Variants in CHST15 observed in about 807,000 individuals in gnomAD.
The protein encoded by CHST15 is B cell RAG associated protein (GALNAC4S-6ST).
CHST15 carries 30 observed loss-of-function variants against 53.6 expected under a neutral mutation model. The observed-to-expected ratio is 0.56, with a 90% confidence interval of 0.42 to 0.76. The LOEUF is 0.76. Among genes scored for constraint, CHST15 ranks in the 30% least tolerant of loss-of-function variants. The pLI is 0.00. For synonymous variants in CHST15, 296 were observed against 289.8 expected, an observed-to-expected ratio of 1.02 and a Z score of -0.22; for missense variants, 627 against 740.5, an observed-to-expected ratio of 0.85 and a Z score of 1.78.
At chr10:124,052,802 G>A (rs1019439781) in intron 1 of CHST15, among the ~76,000 whole-genome samples, 1 of 152,202 alleles carries the variant, frequency 6.6e-6, no homozygotes, top group African/African-American at 2.4e-5. Context: ...TTGGGAGTCT[G>A]AGGCGGGCAA....
chr10:124,083,586 A>G (rs1949320784), intron 1 of CHST15, among the ~76,000 whole-genome samples: 1 of 152,090 alleles, frequency 6.6e-6, no homozygotes. Context: ...ATCTCCTCAT[A>G]TCTAATTTCT....
In CHST15 at chr10:124,010,317, C is replaced by G; in HGVS notation, c.1518G>C (p.Glu506Asp). The change falls in exon 8 of 8, where the codon GAG becomes GAC. Residue 506 changes from glutamate to aspartate, a missense_variant. Transcript: ENST00000435907. ...ATGCGGGGCTCTTGGTCATCAAAGCCTCCTGCTTCTCACTTAAGGGCCCTA... is the reference window on the plus strand; with the variant it reads ...ATGCGGGGCTCTTGGTCATCAAAGCGTCCTGCTTCTCACTTAAGGGCCCTA... ...LNLGPLSEKQ[E>D]ALMTKSPASN... is the part of the protein sequence containing the mutation. 1.2e-6 allele frequency: 2 copies of G among 1,606,052 alleles called. No homozygotes were observed. Among genetic ancestry groups the G allele is most frequent in the Non-Finnish European group, 1.7e-6 (2 of 1,175,230 alleles).
intron 1 of CHST15, among the ~76,000 whole-genome samples, chr10:124,079,577 G>A (rs1278911856): frequency 6.6e-6 from 1 of 152,216 alleles, no homozygotes; most frequent in Non-Finnish European, 1.5e-5. Flanking sequence ...GACCTGGGAT[G>A]GAGAGGCAGC....
chr10:124,042,451 T>G lies in CHST15; in HGVS notation c.887-4A>C, dbSNP rs376627661. 2 of 1,613,538 alleles carry G rather than the reference T, an allele frequency of 1.2e-6. No individual in the cohort carries two copies. Among genetic ancestry groups the G allele is most frequent in the African/African-American group, 2.7e-5 (2 of 74,882 alleles). ...CCATCTCTTAGGCGGACGATTCCTA[T>G]GAGAACCAAGAAGCAGGAGATACTG... On this transcript the variant is annotated splice_polypyrimidine_tract_variant and splice_region_variant and intron_variant, in intron 3 of 7. Coordinates refer to ENST00000435907, the MANE Select transcript of CHST15 (RefSeq NM_001270764.2).
chr10:124,009,751 C>T lies in CHST15; in HGVS notation c.*398G>A. 9.6e-7 allele frequency: 1 copy of T among 1,046,824 alleles called. No individual in the cohort carries two copies. Among genetic ancestry groups the T allele is most frequent in the Non-Finnish European group, 1.2e-6 (1 of 866,960 alleles). 64.8% of individuals were successfully genotyped at this position (1,046,824 alleles called of 1,614,324 possible). A position where few individuals can be genotyped will look rare whatever the true frequency, so the allele number is the denominator to read the frequency against. ...CGTGAAGTGTAAGTTCCAGCCAGGC[C>T]TGTGGCATGACCTCTGGCTTGCTGA... On this transcript the variant is annotated 3_prime_UTR_variant, in exon 8 of 8. Transcript: ENST00000435907.
chr10:124,049,012 G>A (rs1039246767), intron 1 of CHST15, among the ~76,000 whole-genome samples: 3 of 152,182 alleles, frequency 2.0e-5, no homozygotes, highest in Non-Finnish European at 4.4e-5. Context: ...CGGCCTCTGC[G>A]AGTCCCGCTT....
intron 6 of CHST15, among the ~76,000 whole-genome samples, chr10:124,018,688 G>GTGCCT (rs1946666634): frequency 6.6e-6 from 1 of 152,206 alleles, no homozygotes; most frequent in Non-Finnish European, 1.5e-5. Context: ...TGGGGGCAGT[G>GTGCCT]TGCCTTGAAC....
In CHST15 at chr10:124,065,981, A is replaced by C. The variant is rs557597077; in HGVS notation, c.-512-19257T>G. Among the ~76,000 whole-genome samples, 5 of 152,312 alleles carry C rather than the reference A, an allele frequency of 3.3e-5. No individual in the cohort carries two copies. In the South Asian group the frequency reaches 1.0e-3, roughly 32 times the overall value. On this transcript the variant is annotated intron_variant, in intron 1 of 7. Transcript: ENST00000435907. ...TTCCTTTCCCGTAAAGGAAACTTGG[A>C]AACGTTTCAAAAGCATCGAGTATTC...
chr10:124,036,662 GCACACA>G lies in CHST15; in HGVS notation c.1190+1847_1190+1852del, dbSNP rs36082614. 1.7e-4 allele frequency among the ~76,000 whole-genome samples: 26 copies of G among 149,704 alleles called. No homozygotes were observed. The highest frequency in any genetic ancestry group is 3.4e-4 in the Non-Finnish European group (23 of 67,428). On this transcript the variant is annotated intron_variant, in intron 5 of 7. Coordinates refer to ENST00000435907, the MANE Select transcript of CHST15 (RefSeq NM_001270764.2). The surrounding 1 kb of genome is among the most constrained non-coding windows in gnomAD (Gnocchi z 5.1). The stretch of plus-strand genomic sequence containing the variant: ...TAAGACTGTCCTGTCACACCCATGT[GCACACA>G]CACACACACACACACTTATTTGCAT...
rs756900204 is a variant in CHST15 at position 124,038,690 on chromosome 10, C to T, written c.1034-19G>A. ...GCCTCCCCTGGAAACAGAAAACACT[C>T]CAAGTGAGCAGGGGTGTGATTCAGG... On this transcript the variant is annotated intron_variant, in intron 4 of 7. Transcript: ENST00000435907. 5 of 1,612,796 alleles carry T rather than the reference C, an allele frequency of 3.1e-6. No individual in the cohort carries two copies. The highest frequency in any genetic ancestry group is 4.2e-6 in the Non-Finnish European group (5 of 1,179,216).
intron 7 of CHST15, chr10:124,011,948 C>T (rs779907990): frequency 2.6e-6 from 2 of 755,096 alleles, no homozygotes; most frequent in Admixed American, 6.3e-5. Context: ...TTCCATGAAG[C>T]CTTCCTCATC....
At chr10:124,075,354 T>A (rs1378729941) in intron 1 of CHST15, among the ~76,000 whole-genome samples, 1 of 152,152 alleles carries the variant, frequency 6.6e-6, no homozygotes, top group Non-Finnish European at 1.5e-5. Context: ...CCCTGCTGTC[T>A]CTCCCCAGCC....
chr10:124,079,495 G>T (rs1384052329), intron 1 of CHST15, among the ~76,000 whole-genome samples: 1 of 152,192 alleles, frequency 6.6e-6, no homozygotes, highest in East Asian at 1.9e-4. Flanking sequence ...AAGGTTCAGG[G>T]TGTCCTGATG....
intron 1 of CHST15, among the ~76,000 whole-genome samples, chr10:124,076,361 G>C (rs927428509): frequency 6.6e-6 from 1 of 152,206 alleles, no homozygotes. Flanking sequence ...CCAGATTCCC[G>C]ATGCGTGGAG....
Position 124,009,609 on chromosome 10 carries a change from G to A in CHST15, c.*540C>T, listed in dbSNP as rs537825820. ...CTCTGTCCCAGTGAGGTTAGCGATC[G>A]CAACAAGAGTGTTTCAGAAGTGAAT... On this transcript the variant is annotated 3_prime_UTR_variant, in exon 8 of 8. Transcript: ENST00000435907. 18 of 990,016 alleles carry A rather than the reference G, an allele frequency of 1.8e-5. No homozygotes were observed. Among genetic ancestry groups the A allele is most frequent in the Middle Eastern group, 1.0e-3 (2 of 1,918 alleles). The allele number at this position is 990,016 out of a possible 1,614,324, so 61.3% of individuals were successfully genotyped here. A position where few individuals can be genotyped will look rare whatever the true frequency, so the allele number is the denominator to read the frequency against.
chr10:124,029,551 A>C (rs1275439250), intron 5 of CHST15, among the ~76,000 whole-genome samples: 3 of 152,184 alleles, frequency 2.0e-5, no homozygotes, highest in African/African-American at 7.2e-5. Context: ...ACTGGGAGGC[A>C]GCACTTCTCA....
At chr10:124,050,228 C>T (rs367671047) in intron 1 of CHST15, among the ~76,000 whole-genome samples, 7 of 152,296 alleles carry the variant, frequency 4.6e-5, no homozygotes, top group Admixed American at 2.0e-4. Flanking sequence ...CCTCCCCTGA[C>T]GGGCGCGAGT....
chr10:124,087,156 T>G (rs1949457007), intron 1 of CHST15, among the ~76,000 whole-genome samples: 1 of 152,174 alleles, frequency 6.6e-6, no homozygotes, highest in South Asian at 2.1e-4. Flanking sequence ...TCTCGACCTC[T>G]TAGACTCTGA....
chr10:124,021,922 T>A (rs1455261088), intron 5 of CHST15, among the ~76,000 whole-genome samples: 1 of 152,152 alleles, frequency 6.6e-6, no homozygotes, highest in Non-Finnish European at 1.5e-5. Flanking sequence ...ATGAGATGTA[T>A]CTTTCTAGGT....
Sources: allele counts gnomAD v4.1 joint callset (sites outside exome capture counted in the v4.1 genomes callset), GRCh38; gene constraint gnomAD v4.1.1; non-coding constraint Gnocchi (gnomAD v3.1); transcripts MANE v1.5; gene names NCBI Gene and HGNC (gene_info 2026-07-23, HGNC 2026-07-21).